The following DUSP18 variants were observed in gnomAD, a reference collection of about 807,000 sequenced individuals.
DUSP18 encodes dual specificity phosphatase 18, also known as dual specificity protein phosphatase 18.
Under a neutral mutation model 6.3 loss-of-function variants are expected in DUSP18, and 4 were observed. That is an observed-to-expected ratio of 0.63 (90% confidence interval 0.31 to 1.45). The LOEUF (loss-of-function observed/expected upper bound fraction) is 1.45. Among genes scored for constraint, DUSP18 ranks in the 40% most tolerant of loss-of-function variants. The pLI, the probability that DUSP18 is intolerant of heterozygous loss-of-function variation, is 0.07. For synonymous variants in DUSP18, 96 were observed against 95.1 expected (o/e 1.01, Z -0.05); for missense variants, 235 against 247.7 (o/e 0.95, Z 0.34).
intron 2 of DUSP18, chr22:30,654,274 G>A (rs1015351563): frequency 1.4e-5 from 6 of 437,066 alleles, no homozygotes; most frequent in East Asian, 6.7e-5. Flanking sequence ...GTGAGCCACC[G>A]CGCCCGGCCA....
chr22:30,663,337 T>G lies in DUSP18; in HGVS notation c.*100A>C. The stretch of plus-strand genomic sequence containing the variant: ...CTCATAAAAGGCATCATCTGTTTTT[T>G]TCTGTATCAACAAAAGTAGAATGTT... On this transcript the variant is annotated 3_prime_UTR_variant, in exon 2 of 2. Transcript: ENST00000334679. 8.0e-7 allele frequency: 1 copy of G among 1,246,874 alleles called. No homozygotes were observed. The allele number at this position is 1,246,874 out of a possible 1,614,324, so 77.2% of individuals were successfully genotyped here.
At chr22:30,664,584 A>G in intron 1 of DUSP18, among the ~76,000 whole-genome samples, 1 of 152,224 alleles carries the variant, frequency 6.6e-6, no homozygotes, top group East Asian at 1.9e-4. Flanking sequence ...TAAGGTCCTG[A>G]GCCAGTGGCA....
Position 30,663,966 on chromosome 22 carries a change from C to T in DUSP18, c.38G>A (p.Arg13Gln), listed in dbSNP as rs140453707. The T allele has an allele frequency of 1.7e-5, 27 of 1,613,932 alleles. No individual in the cohort carries two copies. The highest frequency in any genetic ancestry group is 9.3e-5 in the African/African-American group (7 of 74,900). ...APSCAFPVQF[R>Q]QPSVSGLSQI... ...CGAGAGGCCGCTGACTGAGGGCTGCCGGAACTGAACTGGGAAGGCACACGA... is the reference window on the plus strand; with the variant it reads ...CGAGAGGCCGCTGACTGAGGGCTGCTGGAACTGAACTGGGAAGGCACACGA... The change falls in exon 2 of 2, where the codon CGG (arginine) becomes CAG (glutamine). Residue 13 changes from arginine to glutamine, a missense_variant. Transcript: ENST00000334679.
At chr22:30,660,356 A>C (rs766526), downstream of DUSP18, among the ~76,000 whole-genome samples, 1 of 151,814 alleles carries the variant, frequency 6.6e-6, no homozygotes, top group Non-Finnish European at 1.5e-5. Context: ...CAGGCTGGAG[A>C]GCAGAGGCAC....
At position 30,663,855 on chromosome 22, in the gene DUSP18, A is replaced by G; in HGVS notation, c.149T>C (p.Ile50Thr). Residue 50 changes from isoleucine to threonine, a missense_variant, in exon 2 of 2, where the codon ATC (isoleucine) becomes ACC (threonine). Transcript: ENST00000334679. ...MLSSNQITMVINVSVEVVNTL... is the reference protein window; with the variant it reads ...MLSSNQITMVTNVSVEVVNTL... The stretch of plus-strand genomic sequence containing the variant: ...GTTCACTACCTCCACTGAGACATTG[A>G]TGACCATGGTGATCTGGTTGCTAGA... The G allele has an allele frequency of 6.2e-7, 1 of 1,614,238 alleles. No individual in the cohort carries two copies. The highest frequency in any genetic ancestry group is 1.3e-5 in the African/African-American group (1 of 75,064).
downstream of DUSP18, among the ~76,000 whole-genome samples, chr22:30,657,794 C>G (rs1403891938): frequency 1.3e-5 from 2 of 151,360 alleles, no homozygotes; most frequent in Admixed American, 1.3e-4. Flanking sequence ...GTCCCAGCTA[C>G]TCGGGAGGCT....
intron 1 of DUSP18, among the ~76,000 whole-genome samples, chr22:30,666,592 A>G (rs2088673885): frequency 8.2e-6 from 1 of 122,024 alleles, no homozygotes; most frequent in Admixed American, 1.1e-4. Context: ...ACTGCACTCC[A>G]GCCTGGGAGA....
At position 30,667,658 on chromosome 22, in the gene DUSP18, C is replaced by T. The variant is rs1217759255; in HGVS notation, c.-274G>A. On this transcript the variant is annotated 5_prime_UTR_variant, in exon 1 of 2. Transcript: ENST00000334679. ...GCCGGGTCTTCAGAGAAATCCTGGC[C>T]TCGGCTCCACGCCCCTGAGCAGCCC... 6.5e-6 allele frequency: 1 copy of T among 152,718 alleles called. No individual in the cohort carries two copies. The highest frequency in any genetic ancestry group is 1.5e-5 in the Non-Finnish European group (1 of 68,216). 9.5% of individuals were successfully genotyped at this position (152,718 alleles called of 1,614,324 possible).
downstream of DUSP18, among the ~76,000 whole-genome samples, chr22:30,658,397 T>C (rs919182682): frequency 1.3e-5 from 2 of 151,788 alleles, no homozygotes; most frequent in African/African-American, 2.4e-5. Context: ...TTTTTTTTTT[T>C]TGGGGGTAGC....
At chr22:30,666,298 G>T (rs1364087892) in intron 1 of DUSP18, among the ~76,000 whole-genome samples, 1 of 152,176 alleles carries the variant, frequency 6.6e-6, no homozygotes, top group African/African-American at 2.4e-5. Flanking sequence ...GGGTAGTGAT[G>T]CGAGGAGTCA....
intron 1 of DUSP18, chr22:30,665,470 C>T (rs1173323191): frequency 2.1e-6 from 1 of 467,692 alleles, no homozygotes; most frequent in African/African-American, 2.0e-5. Context: ...ATCTCTCAGT[C>T]TCTTTCCTTA....
chr22:30,661,127 C>T (rs551211370), downstream of DUSP18, among the ~76,000 whole-genome samples: 2 of 152,176 alleles, frequency 1.3e-5, no homozygotes, highest in African/African-American at 2.4e-5. Flanking sequence ...AGGCATGAGC[C>T]ACCACGCCCG....
At chr22:30,653,903 G>T in intron 2 of DUSP18, 1 of 167,080 alleles carries the variant, frequency 6.0e-6, no homozygotes. Flanking sequence ...TGGGTCTTGA[G>T]GACACCCCAG....
At chr22:30,658,134 A>T (rs1207611840), downstream of DUSP18, among the ~76,000 whole-genome samples, 1 of 151,510 alleles carries the variant, frequency 6.6e-6, no homozygotes, top group East Asian at 1.9e-4. Context: ...GTTAAAAAAA[A>T]CTGAATCTCT....
rs2088730001 is a variant in DUSP18 at position 30,667,729 on chromosome 22, A to G, written c.-345T>C. 6.5e-6 allele frequency: 1 copy of G among 152,748 alleles called. No homozygotes were observed. The highest frequency in any genetic ancestry group is 2.1e-4 in the South Asian group (1 of 4,838). 9.5% of individuals were successfully genotyped at this position (152,748 alleles called of 1,614,324 possible). On this transcript the variant is annotated 5_prime_UTR_variant, in exon 1 of 2. Transcript: ENST00000334679. ...CCCGCCCTGCCGGCAAGCCGGGGTC[A>G]CTGCAGTCCCCGTGGCGAAGCAGGG...
intron 2 of DUSP18, chr22:30,653,987 T>TG (rs1051438534): frequency 4.4e-4 from 69 of 155,760 alleles, no homozygotes; most frequent in Non-Finnish European, 7.3e-4. Context: ...GTTTTTTTGT[T>TG]TTTTTTTTTT....
chr22:30,661,017 T>G (rs2088449582), downstream of DUSP18, among the ~76,000 whole-genome samples: 1 of 152,144 alleles, frequency 6.6e-6, no homozygotes, highest in Non-Finnish European at 1.5e-5. Context: ...CTTTCGTATT[T>G]TTAGCAGAGA....
chr22:30,659,767 G>A (rs1163344633), downstream of DUSP18, among the ~76,000 whole-genome samples: 5 of 152,242 alleles, frequency 3.3e-5, no homozygotes, highest in Non-Finnish European at 7.3e-5. Flanking sequence ...GACTGCAGAT[G>A]TAACTTATGC....
intron 1 of DUSP18, chr22:30,665,465 T>A: frequency 2.1e-6 from 1 of 466,266 alleles, no homozygotes; most frequent in Non-Finnish European, 4.5e-6. Flanking sequence ...TGCTGATCTC[T>A]CAGTCTCTTT....
Sources: allele counts gnomAD v4.1 joint callset (sites outside exome capture counted in the v4.1 genomes callset), GRCh38; gene constraint gnomAD v4.1.1; transcripts MANE v1.5; gene names NCBI Gene and HGNC (gene_info 2026-07-23, HGNC 2026-07-21).